The following CCDC91 variants were observed in gnomAD, a reference collection of about 807,000 sequenced individuals.
The protein encoded by CCDC91 is coiled-coil domain containing 91.
Under a neutral mutation model 63.2 loss-of-function variants are expected in CCDC91, and 48 were observed. The observed-to-expected ratio is 0.76, with a 90% CI of 0.60 to 0.97. CCDC91 has a LOEUF of 0.97. Among genes scored for constraint, CCDC91 ranks in the 50% least tolerant of loss-of-function variants. The pLI, the probability that CCDC91 is intolerant of heterozygous loss-of-function variation, is 0.00. For synonymous variants in CCDC91, 167 were observed against 165.8 expected, an observed-to-expected ratio of 1.01 and a Z score of -0.06; for missense variants, 500 against 494.6, an observed-to-expected ratio of 1.01 and a Z score of -0.10.
At chr12:28,353,301 T>A (rs1359979902) in intron 6 of CCDC91, among the ~76,000 whole-genome samples, 2 of 152,350 alleles carry the variant, frequency 1.3e-5, no homozygotes, top group East Asian at 1.9e-4. Context: ...ACTAAAACTT[T>A]CTGCATATCA....
At chr12:28,306,181 A>G (rs1938706082) in intron 4 of CCDC91, among the ~76,000 whole-genome samples, 1 of 152,100 alleles carries the variant, frequency 6.6e-6, no homozygotes, top group African/African-American at 2.4e-5. Context: ...AACTATTTCA[A>G]TTTTAGAGTA....
intron 11 of CCDC91, among the ~76,000 whole-genome samples, chr12:28,462,824 C>A (rs10843181): frequency 6.6e-6 from 1 of 151,772 alleles, no homozygotes; most frequent in African/African-American, 2.4e-5. Flanking sequence ...ATTCTATGAG[C>A]ACATTTGAGG....
At chr12:28,446,046 G>A (rs1010326441) in intron 8 of CCDC91, among the ~76,000 whole-genome samples, 10 of 142,884 alleles carry the variant, frequency 7.0e-5, no homozygotes, top group Non-Finnish European at 1.6e-5. Context: ...ACTCATAAAG[G>A]GCAAGAGCAA....
At chr12:28,404,998 A>G (rs1946846790) in intron 8 of CCDC91, among the ~76,000 whole-genome samples, 1 of 152,038 alleles carries the variant, frequency 6.6e-6, no homozygotes, top group African/African-American at 2.4e-5. Flanking sequence ...GACCATTGAC[A>G]TTTACAATGA....
intron 8 of CCDC91, among the ~76,000 whole-genome samples, chr12:28,434,070 G>A (rs748639561): frequency 1.2e-4 from 18 of 151,638 alleles, no homozygotes; most frequent in Non-Finnish European, 2.4e-4. Context: ...CTATAATTCC[G>A]TATTACTTCC....
chr12:28,194,236 G>A (rs1267234912), intron 1 of CCDC91, among the ~76,000 whole-genome samples: 1 of 152,066 alleles, frequency 6.6e-6, no homozygotes, highest in Admixed American at 6.5e-5. Context: ...TGAGGTAGGG[G>A]TCAAGACTCT....
chr12:28,243,517 C>A (rs1427789389), intron 1 of CCDC91, among the ~76,000 whole-genome samples: 1 of 151,994 alleles, frequency 6.6e-6, no homozygotes, highest in East Asian at 1.9e-4. Flanking sequence ...AGTACCTCTC[C>A]TATTAAAGTG....
At chr12:28,358,781 A>G (rs1337747264) in intron 6 of CCDC91, among the ~76,000 whole-genome samples, 1 of 152,220 alleles carries the variant, frequency 6.6e-6, no homozygotes, top group East Asian at 1.9e-4. Flanking sequence ...ATAATTTTTG[A>G]GCATGATGTA....
At chr12:28,284,605 A>G (rs1948799912) in intron 3 of CCDC91, among the ~76,000 whole-genome samples, 1 of 151,918 alleles carries the variant, frequency 6.6e-6, no homozygotes, top group Admixed American at 6.6e-5. Flanking sequence ...GTGAGCCGAG[A>G]TCGCGCCATT....
chr12:28,392,482 C>T (rs1328114903), intron 8 of CCDC91, among the ~76,000 whole-genome samples: 5 of 152,042 alleles, frequency 3.3e-5, no homozygotes, highest in Admixed American at 1.3e-4. Flanking sequence ...GAAAGAGAGC[C>T]GTGTTAGATT....
intron 7 of CCDC91, among the ~76,000 whole-genome samples, chr12:28,389,597 C>T (rs1005903149): frequency 4.6e-5 from 7 of 151,994 alleles, no homozygotes; most frequent in Non-Finnish European, 1.0e-4. Context: ...ATTTTATTAA[C>T]TTACCTGTCC....
At chr12:28,528,384 A>T (rs921590143) in intron 12 of CCDC91, among the ~76,000 whole-genome samples, 1 of 152,078 alleles carries the variant, frequency 6.6e-6, no homozygotes, top group African/African-American at 2.4e-5. Context: ...TTTTCCCATC[A>T]TCTAGAGCTT....
At chr12:28,454,734 A>G (rs928676711) in intron 11 of CCDC91, among the ~76,000 whole-genome samples, 5 of 152,108 alleles carry the variant, frequency 3.3e-5, no homozygotes, top group Non-Finnish European at 7.4e-5. Context: ...ATGTAATCCA[A>G]CTTTCTTCCC....
intron 1 of CCDC91, among the ~76,000 whole-genome samples, chr12:28,218,421 C>T (rs916645375): frequency 6.7e-6 from 1 of 150,244 alleles, no homozygotes; most frequent in East Asian, 1.9e-4. Flanking sequence ...GGTGTATAAA[C>T]AATTAAAATC....
intron 12 of CCDC91, among the ~76,000 whole-genome samples, chr12:28,503,618 A>G (rs549821722): frequency 3.3e-5 from 5 of 152,332 alleles, no homozygotes; most frequent in African/African-American, 7.2e-5. Context: ...TCATACTGCT[A>G]TAAAGACACA....
intron 1 of CCDC91, chr12:28,191,243 C>T (rs1287015467): frequency 1.3e-5 from 2 of 152,294 alleles, no homozygotes; most frequent in East Asian, 3.8e-4. Context: ...CGCGTGTCGC[C>T]TACTGCGGAG....
At chr12:28,438,044 G>C (rs1367152492) in intron 8 of CCDC91, among the ~76,000 whole-genome samples, 1 of 152,150 alleles carries the variant, frequency 6.6e-6, no homozygotes, top group Admixed American at 6.6e-5. Context: ...ATTGTAGAGT[G>C]TAAGGATGTT....
At chr12:28,401,488 A>G (rs764176345) in intron 8 of CCDC91, among the ~76,000 whole-genome samples, 1 of 152,078 alleles carries the variant, frequency 6.6e-6, no homozygotes, top group African/African-American at 2.4e-5. Flanking sequence ...TGGGGACACC[A>G]TATCAGGAGG....
intron 1 of CCDC91, among the ~76,000 whole-genome samples, chr12:28,233,800 A>G (rs1039458166): frequency 3.9e-5 from 6 of 152,034 alleles, no homozygotes; most frequent in Non-Finnish European, 7.4e-5. Context: ...AGATAAGGTT[A>G]TATAGACATG....
Sources: allele counts gnomAD v4.1 joint callset (sites outside exome capture counted in the v4.1 genomes callset), GRCh38; gene constraint gnomAD v4.1.1; transcripts MANE v1.5; gene names NCBI Gene and HGNC (gene_info 2026-07-23, HGNC 2026-07-21).